The following EYA2 variants were observed in gnomAD, a reference collection of about 807,000 sequenced individuals.
EYA2 encodes EYA transcriptional coactivator and phosphatase 2.
In EYA2, 31 loss-of-function variants were observed where a neutral mutation model predicts 69.2. The ratio of observed to expected loss-of-function variants is 0.45; its 90% CI spans 0.34 to 0.60. The LOEUF (loss-of-function observed/expected upper bound fraction) is 0.60. Among genes scored for constraint, EYA2 ranks in the 20% least tolerant of loss-of-function variants. The pLI is 0.02. For synonymous variants in EYA2, 257 were observed against 279.4 expected (o/e 0.92, Z 0.80); for missense variants, 622 against 701.2 (o/e 0.89, Z 1.28).
chr20:46,939,155 T>A (rs1269527122), intron 1 of EYA2, among the ~76,000 whole-genome samples: 2 of 152,150 alleles, frequency 1.3e-5, no homozygotes, highest in Admixed American at 6.5e-5. Context: ...TAGTGAACAC[T>A]CAGCATTGCC....
At chr20:46,978,082 G>A (rs1980569686) in intron 1 of EYA2, among the ~76,000 whole-genome samples, 1 of 152,226 alleles carries the variant, frequency 6.6e-6, no homozygotes, top group African/African-American at 2.4e-5. Flanking sequence ...TCCAGGGCTT[G>A]TGTGCAGCAG....
intron 5 of EYA2, among the ~76,000 whole-genome samples, chr20:47,045,236 A>G (rs2029969707): frequency 6.6e-6 from 1 of 152,228 alleles, no homozygotes; most frequent in Non-Finnish European, 1.5e-5. Context: ...TTCATCTGGC[A>G]GCTGGTGCTA....
intron 4 of EYA2, among the ~76,000 whole-genome samples, chr20:47,012,058 A>G (rs113305413): frequency 1.6e-4 from 24 of 152,340 alleles, no homozygotes; most frequent in African/African-American, 5.8e-4. Flanking sequence ...TCCAACCGCT[A>G]CAGTATCTGT....
intron 1 of EYA2, among the ~76,000 whole-genome samples, chr20:46,963,894 C>T (rs937146484): frequency 7.9e-5 from 12 of 152,244 alleles, no homozygotes; most frequent in African/African-American, 2.9e-4. Context: ...GATGGGAACA[C>T]GGGCTGCCAG....
At chr20:46,950,512 T>C (rs561790967) in intron 1 of EYA2, among the ~76,000 whole-genome samples, 19 of 152,292 alleles carry the variant, frequency 1.2e-4, no homozygotes, top group South Asian at 4.1e-4. Context: ...TCCCTGCTCC[T>C]CCTTCTGGGT....
intron 7 of EYA2, among the ~76,000 whole-genome samples, chr20:47,077,332 A>G (rs1430679960): frequency 6.6e-6 from 1 of 152,194 alleles, no homozygotes; most frequent in East Asian, 1.9e-4. Context: ...CAGACCTGCT[A>G]TGCACATCTT....
intron 5 of EYA2, among the ~76,000 whole-genome samples, chr20:47,052,665 C>G (rs1469634834): frequency 1.3e-5 from 2 of 152,046 alleles, no homozygotes; most frequent in African/African-American, 4.8e-5. Flanking sequence ...TTCTGTTGCC[C>G]AAACTGGAGT....
chr20:47,068,544 C>T (rs943569881), intron 5 of EYA2, among the ~76,000 whole-genome samples: 15 of 152,102 alleles, frequency 9.9e-5, no homozygotes, highest in African/African-American at 3.4e-4. Context: ...TTGTTGTTTT[C>T]ATATACTGAT....
At chr20:47,026,923 T>TA (rs1483788405) in intron 5 of EYA2, among the ~76,000 whole-genome samples, 1 of 152,268 alleles carries the variant, frequency 6.6e-6, no homozygotes, top group Non-Finnish European at 1.5e-5. Flanking sequence ...GGACAATTGA[T>TA]ATACACTCTC....
At chr20:47,176,404 G>A (rs2034428083) in intron 12 of EYA2, among the ~76,000 whole-genome samples, 1 of 31,560 alleles carries the variant, frequency 3.2e-5, no homozygotes, top group Non-Finnish European at 5.6e-5. Flanking sequence ...CAGTCATTTC[G>A]AGGATGATCA....
At chr20:47,127,434 T>C (rs1013806261) in intron 9 of EYA2, among the ~76,000 whole-genome samples, 6 of 151,998 alleles carry the variant, frequency 3.9e-5, no homozygotes, top group Non-Finnish European at 5.9e-5. Flanking sequence ...TGAAATCCCA[T>C]CTCTACTAAA....
intron 1 of EYA2, among the ~76,000 whole-genome samples, chr20:46,968,684 T>C (rs1430363908): frequency 1.3e-5 from 2 of 152,100 alleles, no homozygotes; most frequent in Non-Finnish European, 2.9e-5. Flanking sequence ...TCCTGACTTC[T>C]ACCCACCGGA....
At position 47,120,202 on chromosome 20, in the gene EYA2, C is replaced by T. The variant is rs544748684; in HGVS notation, c.889-22857C>T. ...CAGCCTGGATGACAGAGCAAGACTC[C>T]GCCTCAAAAAAAAAATTAAATAAAA... is the stretch of plus-strand genomic sequence containing the variant. On this transcript the variant is annotated intron_variant, in intron 9 of 15. Transcript: ENST00000327619. Among the ~76,000 whole-genome samples the T allele has an allele frequency of 2.6e-5, 4 of 151,632 alleles. No individual in the cohort carries two copies. The South Asian group carries it at 6.3e-4, about 24-fold the overall frequency.
At chr20:47,152,822 A>C (rs995553673) in intron 10 of EYA2, among the ~76,000 whole-genome samples, 1 of 151,042 alleles carries the variant, frequency 6.6e-6, no homozygotes, top group African/African-American at 2.4e-5. Flanking sequence ...AAAAAAAAAA[A>C]AGAAAGAAAA....
chr20:46,924,249 C>T (rs1209142646), intron 1 of EYA2, among the ~76,000 whole-genome samples: 2 of 152,104 alleles, frequency 1.3e-5, no homozygotes, highest in Non-Finnish European at 2.9e-5. Flanking sequence ...ATGGAGATGG[C>T]AGAGGCTGGG....
At position 46,933,669 on chromosome 20, in the gene EYA2, G is replaced by A. The variant is rs374847213; in HGVS notation, c.-11+38682G>A. Among the ~76,000 whole-genome samples, 7 of 152,344 alleles carry A rather than the reference G, an allele frequency of 4.6e-5. No homozygotes were observed. The East Asian group carries it at 7.7e-4, about 17-fold the overall frequency. On this transcript the variant is annotated intron_variant, in intron 1 of 15. Transcript: ENST00000327619. ...CGCCAAGTCTCACTAGAACGAGGGA[G>A]GCCGATGAGAAATGACCGTGCTACA...
At chr20:47,029,783 C>T (rs984976608) in intron 5 of EYA2, among the ~76,000 whole-genome samples, 4 of 152,122 alleles carry the variant, frequency 2.6e-5, no homozygotes, top group Admixed American at 6.5e-5. Context: ...AATTGAACAT[C>T]GTTAAATATT....
chr20:46,972,229 G>A (rs1276523920), intron 1 of EYA2, among the ~76,000 whole-genome samples: 5 of 152,214 alleles, frequency 3.3e-5, no homozygotes, highest in Non-Finnish European at 7.3e-5. Context: ...AAAGGATAAT[G>A]TCCCTGCAGG....
intron 2 of EYA2, chr20:46,997,983 G>T (rs928706323): frequency 6.6e-6 from 1 of 152,308 alleles, no homozygotes. Context: ...CCATCTGCTT[G>T]TTCCCCCAGA....
Sources: gnomAD v4.1 joint callset for allele counts (sites outside exome capture counted in the v4.1 genomes callset) on GRCh38, gnomAD v4.1.1 for gene constraint, MANE v1.5 for transcripts, NCBI Gene and HGNC (gene_info 2026-07-23, HGNC 2026-07-21) for gene names.